Variants in CCBE1 observed in about 807,000 individuals in gnomAD.
The protein encoded by CCBE1 is collagen and calcium-binding EGF domain-containing protein 1.
A neutral mutation model predicts 50.0 loss-of-function variants in CCBE1; 37 were observed. The ratio of observed to expected loss-of-function variants is 0.74; its 90% CI spans 0.57 to 0.97. CCBE1 has a LOEUF of 0.97. CCBE1 is among the 50% of genes least tolerant of loss of function. CCBE1 has a pLI of 0.00. For missense variants in CCBE1, 538 were observed against 523.8 expected (o/e 1.03, Z -0.26); for synonymous variants, 234 against 203.7 (o/e 1.15, Z -1.27).
chr18:59,442,435 T>C (rs111289484), intron 7 of CCBE1, among the ~76,000 whole-genome samples: 2 of 152,190 alleles, frequency 1.3e-5, no homozygotes, highest in African/African-American at 4.8e-5. Flanking sequence ...TTCTTAACAT[T>C]TAAAAATTGG....
chr18:59,644,815 A>G (rs2054034031), intron 2 of CCBE1, among the ~76,000 whole-genome samples: 1 of 152,222 alleles, frequency 6.6e-6, no homozygotes, highest in African/African-American at 2.4e-5. Flanking sequence ...GCCAATTCCT[A>G]CATTTTAAAA....
chr18:59,675,076 T>A (rs2054481696), intron 2 of CCBE1, among the ~76,000 whole-genome samples: 1 of 152,146 alleles, frequency 6.6e-6, no homozygotes, highest in African/African-American at 2.4e-5. Flanking sequence ...TGAAACAGGA[T>A]GGATAATACA....
At chr18:59,457,306 G>A (rs1345058672) in intron 5 of CCBE1, among the ~76,000 whole-genome samples, 1 of 152,154 alleles carries the variant, frequency 6.6e-6, no homozygotes, top group Non-Finnish European at 1.5e-5. Flanking sequence ...AATAGGGAAG[G>A]GCTTGTATCA....
chr18:59,662,112 G>A (rs2054294003), intron 2 of CCBE1, among the ~76,000 whole-genome samples: 1 of 152,232 alleles, frequency 6.6e-6, no homozygotes. Flanking sequence ...AGACATGTCA[G>A]CACTGCTCTT....
chr18:59,464,612 G>A (rs902565476), intron 5 of CCBE1, among the ~76,000 whole-genome samples: 3 of 152,124 alleles, frequency 2.0e-5, no homozygotes, highest in Non-Finnish European at 4.4e-5. Context: ...TATTCAAATC[G>A]CCCAATCCTA....
chr18:59,487,340 G>C (rs1912871878), intron 2 of CCBE1, among the ~76,000 whole-genome samples: 1 of 151,978 alleles, frequency 6.6e-6, no homozygotes, highest in African/African-American at 2.4e-5. Flanking sequence ...TTTAAAAGTG[G>C]TCCTGAATTT....
intron 2 of CCBE1, among the ~76,000 whole-genome samples, chr18:59,486,192 T>C (rs139661197): frequency 6.6e-6 from 1 of 152,292 alleles, no homozygotes; most frequent in African/African-American, 2.4e-5. Context: ...TTACAGATAA[T>C]ATAAGAAAGG....
chr18:59,629,557 GCA>G (rs2053826357), intron 2 of CCBE1, among the ~76,000 whole-genome samples: 1 of 152,166 alleles, frequency 6.6e-6, no homozygotes, highest in East Asian at 1.9e-4. Flanking sequence ...ACACTGCCCA[GCA>G]CAGAGTGAGT....
intron 2 of CCBE1, among the ~76,000 whole-genome samples, chr18:59,526,784 A>G (rs1381312462): frequency 6.6e-6 from 1 of 152,172 alleles, no homozygotes; most frequent in Non-Finnish European, 1.5e-5. Flanking sequence ...GTCATTCAGG[A>G]GCAGGTTTTT....
At chr18:59,458,603 G>A (rs892730467) in intron 5 of CCBE1, among the ~76,000 whole-genome samples, 2 of 152,224 alleles carry the variant, frequency 1.3e-5, no homozygotes, top group Non-Finnish European at 2.9e-5. Context: ...GAGATCCAGA[G>A]AGAGACAGTA....
intron 2 of CCBE1, among the ~76,000 whole-genome samples, chr18:59,612,098 T>C (rs1430520123): frequency 6.6e-6 from 1 of 152,106 alleles, no homozygotes; most frequent in East Asian, 1.9e-4. Context: ...TAGAGAATGG[T>C]GTCTCAGTCA....
intron 3 of CCBE1, among the ~76,000 whole-genome samples, chr18:59,470,166 A>C (rs1438381173): frequency 6.6e-6 from 1 of 152,198 alleles, no homozygotes; most frequent in Admixed American, 6.5e-5. Context: ...ACTGGCTCAC[A>C]GTTCCACATA....
chr18:59,691,810 A>C (rs1473810047), intron 2 of CCBE1, among the ~76,000 whole-genome samples: 2 of 152,172 alleles, frequency 1.3e-5, no homozygotes, highest in Non-Finnish European at 2.9e-5. Flanking sequence ...TATGCCAGCC[A>C]CAGGACAGGG....
intron 2 of CCBE1, among the ~76,000 whole-genome samples, chr18:59,543,218 C>T (rs1384152849): frequency 2.6e-5 from 4 of 152,126 alleles, no homozygotes; most frequent in Non-Finnish European, 5.9e-5. Flanking sequence ...CAAATGACCT[C>T]CTCCTGGACT....
chr18:59,601,530 T>C (rs1227760586), intron 2 of CCBE1, among the ~76,000 whole-genome samples: 3 of 152,182 alleles, frequency 2.0e-5, no homozygotes, highest in Non-Finnish European at 4.4e-5. Context: ...CTTTCCTTTA[T>C]AAATTACCCA....
intron 2 of CCBE1, among the ~76,000 whole-genome samples, chr18:59,519,557 G>A (rs983555767): frequency 2.6e-5 from 4 of 152,158 alleles, no homozygotes; most frequent in Admixed American, 2.6e-4. Flanking sequence ...TTAGAATGGT[G>A]TGAAAGGATC....
intron 2 of CCBE1, among the ~76,000 whole-genome samples, chr18:59,491,859 T>C (rs1343305272): frequency 1.8e-5 from 2 of 108,244 alleles, no homozygotes; most frequent in Admixed American, 8.7e-5. Flanking sequence ...TCATGGTCTA[T>C]TCCCCAGCTA....
intron 2 of CCBE1, among the ~76,000 whole-genome samples, chr18:59,527,488 C>A (rs1301266532): frequency 6.6e-6 from 1 of 152,102 alleles, no homozygotes; most frequent in Non-Finnish European, 1.5e-5. Flanking sequence ...GCATTTAGCT[C>A]ATTTACATTT....
rs142911989 is a variant in CCBE1, at chr18:59,489,209, T to C, written c.213-8971A>G. Among the ~76,000 whole-genome samples, 10 of 152,314 alleles carry C rather than the reference T, an allele frequency of 6.6e-5. No individual in the cohort carries two copies. In the East Asian group the frequency reaches 1.2e-3, roughly 18 times the overall value. On this transcript the variant is annotated intron_variant, in intron 2 of 10. Transcript: ENST00000439986. ...TTACTGAAAGCAGGCCCAGAACTTA[T>C]AGATGTCAACAGCAGCACACACTAC...
Sources: allele counts gnomAD v4.1 joint callset (sites outside exome capture counted in the v4.1 genomes callset), GRCh38; gene constraint gnomAD v4.1.1; transcripts MANE v1.5; gene names NCBI Gene and HGNC (gene_info 2026-07-23, HGNC 2026-07-21).